PBX1: variants seen among roughly 807,000 people sequenced by gnomAD.
PBX1 encodes the protein PBX homeobox 1.
A neutral mutation model predicts 53.4 loss-of-function variants in PBX1; 6 were observed. The observed-to-expected ratio is 0.11, with a 90% CI of 0.06 to 0.22. PBX1 has a LOEUF of 0.22. Ranked by LOEUF, PBX1 falls within the 10% of genes least tolerant of loss-of-function variation. The pLI, the probability that PBX1 is intolerant of heterozygous loss-of-function variation, is 1.00. For synonymous variants in PBX1, 204 were observed against 212.3 expected (o/e 0.96, Z 0.34); for missense variants, 251 against 551.4 (o/e 0.46, Z 5.46).
At chr1:164,608,583 A>G (rs1253612972) in intron 2 of PBX1, among the ~76,000 whole-genome samples, 3 of 152,250 alleles carry the variant, frequency 2.0e-5, no homozygotes, top group African/African-American at 7.2e-5. Flanking sequence ...CATCTCTATT[A>G]GACAGATGAG....
chr1:164,688,976 G>T (rs1482940970), intron 2 of PBX1, among the ~76,000 whole-genome samples: 2 of 152,244 alleles, frequency 1.3e-5, no homozygotes, highest in Non-Finnish European at 2.9e-5. Flanking sequence ...CCTGTGTCTG[G>T]CTGGAGGGTG....
chr1:164,704,184 T>C (rs191709217), intron 2 of PBX1, among the ~76,000 whole-genome samples: 14 of 152,288 alleles, frequency 9.2e-5, no homozygotes, highest in Admixed American at 5.9e-4. Context: ...ACAAGAAGGA[T>C]TGACACAGAC....
At chr1:164,826,262 A>AC (rs752417715) in intron 8 of PBX1, among the ~76,000 whole-genome samples, 18 of 150,958 alleles carry the variant, frequency 1.2e-4, no homozygotes, top group Non-Finnish European at 2.1e-4. Flanking sequence ...TTTCTAGCCA[A>AC]CCCCAGTGTT....
chr1:164,800,734 TGG>T (rs941190135), intron 4 of PBX1, among the ~76,000 whole-genome samples: 3 of 152,244 alleles, frequency 2.0e-5, no homozygotes, highest in Admixed American at 2.0e-4. Context: ...ATTTTGATTA[TGG>T]GTATGCTTTG....
intron 2 of PBX1, among the ~76,000 whole-genome samples, chr1:164,591,340 C>G (rs1006225656): frequency 2.0e-5 from 3 of 152,128 alleles, no homozygotes; most frequent in African/African-American, 7.2e-5. Flanking sequence ...GAAAAGAGTT[C>G]TGTTCACAAA....
rs1032025653 is a variant in PBX1, at chr1:164,850,604, A to G, written c.*3928A>G. 12 of 192,248 alleles carry G rather than the reference A, an allele frequency of 6.2e-5. No individual in the cohort carries two copies. Among genetic ancestry groups the G allele is most frequent in the African/African-American group, 2.8e-4 (12 of 43,046 alleles). 11.9% of individuals were successfully genotyped at this position (192,248 alleles called of 1,614,324 possible). ...TGTGAAAAGATGACTTGGGCAGAGG[A>G]GTAAGAACAAGTAGGCTTGTTCTTC... On this transcript the variant is annotated 3_prime_UTR_variant, in exon 9 of 9. Coordinates refer to ENST00000420696, the MANE Select transcript of PBX1 (RefSeq NM_002585.4).
rs573913824 is a variant in PBX1, at chr1:164,581,262, C to T, written c.265+17951C>T. On this transcript the variant is annotated intron_variant, in intron 2 of 8. Coordinates refer to ENST00000420696, the MANE Select transcript of PBX1 (RefSeq NM_002585.4). Reference sequence around the variant, plus strand: ...TTTTTTTTTGAGATGGAGTCTCACTCTGTCACCCAGGCTGTAGTGCAGTGG... The same window carrying T: ...TTTTTTTTTGAGATGGAGTCTCACTTTGTCACCCAGGCTGTAGTGCAGTGG... 3.3e-5 allele frequency among the ~76,000 whole-genome samples: 5 copies of T among 150,234 alleles called. No individual in the cohort carries two copies. In the South Asian group the frequency reaches 1.1e-3, roughly 32 times the overall value.
chr1:164,641,687 C>T (rs1219125318), intron 2 of PBX1: 1 of 152,334 alleles, frequency 6.6e-6, no homozygotes, highest in East Asian at 1.9e-4. Flanking sequence ...TTTTCCAGTA[C>T]TTACTCTTCT....
intron 2 of PBX1, among the ~76,000 whole-genome samples, chr1:164,876,588 C>G (rs2102460871): frequency 6.6e-6 from 1 of 151,968 alleles, no homozygotes; most frequent in Middle Eastern, 3.4e-3. Flanking sequence ...CTCCTGTGAC[C>G]CAGACACTGT....
intron 2 of PBX1, among the ~76,000 whole-genome samples, chr1:164,603,357 C>T (rs1018473553): frequency 6.6e-6 from 1 of 152,130 alleles, no homozygotes; most frequent in Admixed American, 6.5e-5. Context: ...TTGACTCTGT[C>T]CCATGTATTA....
At chr1:164,790,509 C>T (rs1431726650) in intron 2 of PBX1, among the ~76,000 whole-genome samples, 2 of 152,050 alleles carry the variant, frequency 1.3e-5, no homozygotes, top group African/African-American at 4.8e-5. Flanking sequence ...CTTCTTTTCT[C>T]CTTCCCAGCT....
chr1:164,860,883 G>T (rs998186962), intron 2 of PBX1, among the ~76,000 whole-genome samples: 1 of 152,102 alleles, frequency 6.6e-6, no homozygotes, highest in Non-Finnish European at 1.5e-5. Flanking sequence ...AGGCAAAAAA[G>T]AAGAGGGAGA....
At chr1:164,662,407 G>A (rs1308976180) in intron 2 of PBX1, among the ~76,000 whole-genome samples, 1 of 152,204 alleles carries the variant, frequency 6.6e-6, no homozygotes, top group African/African-American at 2.4e-5. Context: ...GAGACAGGGT[G>A]TAGGCAGAGT....
chr1:164,789,514 C>T (rs1390567127), intron 2 of PBX1, among the ~76,000 whole-genome samples: 1 of 152,176 alleles, frequency 6.6e-6, no homozygotes, highest in African/African-American at 2.4e-5. Flanking sequence ...GAGGAATAAG[C>T]TGATGGAATG....
intron 2 of PBX1, among the ~76,000 whole-genome samples, chr1:164,667,181 T>G (rs1660853965): frequency 6.6e-6 from 1 of 152,194 alleles, no homozygotes; most frequent in African/African-American, 2.4e-5. Flanking sequence ...AACCTTGGCC[T>G]TGTGACCTTC....
chr1:164,852,923 T>C (rs1671891256), downstream of PBX1, among the ~76,000 whole-genome samples: 1 of 152,214 alleles, frequency 6.6e-6, no homozygotes, highest in South Asian at 2.1e-4. Context: ...TACTTCCTTT[T>C]TCAATTGCAT....
At chr1:164,793,745 A>G (rs1668636613) in intron 3 of PBX1, among the ~76,000 whole-genome samples, 2 of 150,854 alleles carry the variant, frequency 1.3e-5, no homozygotes, top group African/African-American at 2.4e-5. Flanking sequence ...GGGATGCAAC[A>G]TTATATTGAA....
At chr1:164,734,568 G>T (rs548632068) in intron 2 of PBX1, among the ~76,000 whole-genome samples, 1 of 152,180 alleles carries the variant, frequency 6.6e-6, no homozygotes, top group Non-Finnish European at 1.5e-5. Flanking sequence ...TAACAAACAT[G>T]TATGGAGTGC....
chr1:164,803,828 A>G (rs1669204321), intron 4 of PBX1, among the ~76,000 whole-genome samples: 1 of 152,176 alleles, frequency 6.6e-6, no homozygotes, highest in African/African-American at 2.4e-5. Context: ...ACTGGATTCA[A>G]ATTCTGGCTA....
Sources: gnomAD v4.1 joint callset for allele counts (sites outside exome capture counted in the v4.1 genomes callset) on GRCh38, gnomAD v4.1.1 for gene constraint, MANE v1.5 for transcripts, NCBI Gene and HGNC (gene_info 2026-07-23, HGNC 2026-07-21) for gene names.